The following PIEZO2 variants were observed in gnomAD, a reference collection of about 807,000 sequenced individuals.
PIEZO2 encodes the protein piezo-type mechanosensitive ion channel component 2.
In PIEZO2, 172 loss-of-function variants were observed where a neutral mutation model predicts 337.3. The observed-to-expected ratio is 0.51, with a 90% CI of 0.45 to 0.58. The LOEUF is 0.58. Ranked by LOEUF, PIEZO2 falls within the 20% of genes least tolerant of loss-of-function variation. The probability of loss-of-function intolerance (pLI) is 0.00; values close to 1 mark genes in which losing one functional copy is unlikely to be tolerated. For synonymous variants in PIEZO2, 1,251 were observed against 1,228.5 expected, an observed-to-expected ratio of 1.02 and a Z score of -0.38; for missense variants, 3,028 against 3,391.3, an observed-to-expected ratio of 0.89 and a Z score of 2.66.
intron 1 of PIEZO2, among the ~76,000 whole-genome samples, chr18:11,082,553 G>A (rs1190481942): frequency 3.9e-5 from 6 of 152,126 alleles, no homozygotes; most frequent in South Asian, 2.1e-4. Flanking sequence ...TCCTGACCTC[G>A]TGATCTGCCT....
chr18:11,025,085 C>A (rs1398743670), intron 2 of PIEZO2, among the ~76,000 whole-genome samples: 1 of 151,972 alleles, frequency 6.6e-6, no homozygotes. Context: ...GTGGAGTGCA[C>A]TGATTAGGAA....
At chr18:11,005,491 G>A (rs2035685812) in intron 2 of PIEZO2, among the ~76,000 whole-genome samples, 2 of 152,204 alleles carry the variant, frequency 1.3e-5, no homozygotes, top group South Asian at 4.1e-4. Context: ...TTGAGGTTCA[G>A]AGCCTTGATC....
chr18:11,126,538 A>G lies in PIEZO2; in HGVS notation c.64+21987T>C, dbSNP rs2040188667. ...CCAAGGCCCACGTGATCTGATGAAT[A>G]CCATCAGCAATTTTTTTACTCTGAG... is the stretch of plus-strand genomic sequence containing the variant. On this transcript the variant is annotated intron_variant, in intron 1 of 55. Coordinates refer to ENST00000674853, the MANE Select transcript of PIEZO2 (RefSeq NM_001378183.1). This position sits in a 1 kb window ranked among gnomAD's most constrained non-coding sequence, Gnocchi z 4.6. Among the ~76,000 whole-genome samples, 2 of 152,024 alleles carry G rather than the reference A, an allele frequency of 1.3e-5. No homozygotes were observed. Among genetic ancestry groups the G allele is most frequent in the African/African-American group, 4.8e-5 (2 of 41,368 alleles).
At chr18:10,711,125 G>T (rs1228645597) in intron 39 of PIEZO2, among the ~76,000 whole-genome samples, 1 of 152,172 alleles carries the variant, frequency 6.6e-6, no homozygotes, top group Non-Finnish European at 1.5e-5. Context: ...TTTATCATGA[G>T]TGTGGTTTCC....
chr18:10,913,907 T>C (rs1307150200), intron 3 of PIEZO2, among the ~76,000 whole-genome samples: 5 of 152,140 alleles, frequency 3.3e-5, no homozygotes, highest in Admixed American at 6.5e-5. Context: ...CTTAACATGC[T>C]AGGTATGAGA....
At chr18:10,696,025 C>T (rs1229007827) in intron 47 of PIEZO2, 49 bp downstream of exon 47, 3 of 1,538,830 alleles carry the variant, frequency 1.9e-6, no homozygotes, top group South Asian at 1.1e-5. Flanking sequence ...CCTCAGGAAA[C>T]ACAGTTGCAT....
At chr18:11,065,303 C>A (rs898495496) in intron 2 of PIEZO2, among the ~76,000 whole-genome samples, 21 of 152,248 alleles carry the variant, frequency 1.4e-4, no homozygotes, top group African/African-American at 5.1e-4. Flanking sequence ...CAAACAACTT[C>A]CTTTTCCTTT....
chr18:10,798,378 T>G lies in PIEZO2; in HGVS notation c.1379-856A>C, dbSNP rs190864166. On this transcript the variant is annotated intron_variant, in intron 11 of 55. Coordinates refer to ENST00000674853, the MANE Select transcript of PIEZO2 (RefSeq NM_001378183.1). The stretch of plus-strand genomic sequence containing the variant: ...TAAATGACTGAAAAATCAGTGACTG[T>G]GCATACTACTCCACATGGGCTCTGC... Among the ~76,000 whole-genome samples the G allele has an allele frequency of 1.3e-3, 200 of 152,356 alleles. 1 individual carries two copies. The highest frequency in any genetic ancestry group is 3.4e-3 in the Middle Eastern group (1 of 294).
rs984375219 is a variant in PIEZO2, at chr18:11,122,098, C to T, written c.64+26427G>A. 2.6e-5 allele frequency among the ~76,000 whole-genome samples: 4 copies of T among 151,928 alleles called. No homozygotes were observed. In the East Asian group the frequency reaches 5.8e-4, roughly 22 times the overall value. ...CCTCCCCGGCAGCTGGGACTACAGGCGCCTGCCACCATGCCCAGCTAATTT... is the reference window on the plus strand; with the variant it reads ...CCTCCCCGGCAGCTGGGACTACAGGTGCCTGCCACCATGCCCAGCTAATTT... On this transcript the variant is annotated intron_variant, in intron 1 of 55. Transcript: ENST00000674853.
chr18:10,937,198 G>T (rs1030183924), intron 3 of PIEZO2, among the ~76,000 whole-genome samples: 1 of 152,118 alleles, frequency 6.6e-6, no homozygotes, highest in African/African-American at 2.4e-5. Context: ...TTAATGCTAG[G>T]AACTACTATG....
chr18:10,827,170 G>A (rs762436264), intron 7 of PIEZO2, among the ~76,000 whole-genome samples: 138 of 152,188 alleles, frequency 9.1e-4, no homozygotes, highest in Middle Eastern at 6.8e-3. Flanking sequence ...TTACAGATAC[G>A]AACAAGTTAA....
In PIEZO2 at chr18:10,932,088, A is replaced by T. The variant is rs1375525813; in HGVS notation, c.287-20860T>A. Among the ~76,000 whole-genome samples, 4 of 152,360 alleles carry T rather than the reference A, an allele frequency of 2.6e-5. No individual in the cohort carries two copies. In the East Asian group the frequency reaches 7.7e-4, roughly 29 times the overall value. ...GAAAATTGTATTAGGTTCTAAGTTG[A>T]ACCTAAGTTGGTGGTATTTGAGTAT... On this transcript the variant is annotated intron_variant, in intron 3 of 55. Transcript: ENST00000674853.
intron 1 of PIEZO2, among the ~76,000 whole-genome samples, chr18:11,142,674 C>T (rs1201812724): frequency 1.3e-5 from 2 of 149,964 alleles, no homozygotes; most frequent in Admixed American, 6.7e-5. Context: ...CCAGCTACTC[C>T]GGAGGCTGAG....
At chr18:10,770,011 G>GT in intron 21 of PIEZO2, 137 bp downstream of exon 21, 1 of 910,904 alleles carries the variant, frequency 1.1e-6, no homozygotes, top group Non-Finnish European at 1.6e-6. Context: ...TTCTGTAAGT[G>GT]TAAGTACTTA....
At chr18:10,976,834 G>T (rs2034457413) in intron 3 of PIEZO2, among the ~76,000 whole-genome samples, 1 of 152,156 alleles carries the variant, frequency 6.6e-6, no homozygotes, top group Non-Finnish European at 1.5e-5. Flanking sequence ...GGCCTGGAAA[G>T]AGGCAGGTCA....
In PIEZO2 at chr18:10,713,444, T is replaced by G. The variant is rs1000898340; in HGVS notation, c.5423+1320A>C. ...TTGATATCAATAAAATGGTCTCAGC[T>G]CCGTCTCCTATTTCATCTGGAAATA... On this transcript the variant is annotated intron_variant, in intron 39 of 55. Transcript: ENST00000674853. The surrounding 1 kb of genome is among the most constrained non-coding windows in gnomAD (Gnocchi z 4.5). Among the ~76,000 whole-genome samples the G allele has an allele frequency of 2.0e-5, 3 of 152,146 alleles. No homozygotes were observed. Among genetic ancestry groups the G allele is most frequent in the Non-Finnish European group, 4.4e-5 (3 of 68,024 alleles).
At position 11,105,921 on chromosome 18, in the gene PIEZO2, C is replaced by A. The variant is rs1036862790; in HGVS notation, c.65-39699G>T. Among the ~76,000 whole-genome samples, 3 of 152,118 alleles carry A rather than the reference C, an allele frequency of 2.0e-5. No homozygotes were observed. Among genetic ancestry groups the A allele is most frequent in the Non-Finnish European group, 4.4e-5 (3 of 68,022 alleles). Reference sequence around the variant, plus strand: ...GTAGGGTTATCTGACTGATTTAGGTCATTCCAAGGGTTTCTCTGTTTATTT... The same window carrying A: ...GTAGGGTTATCTGACTGATTTAGGTAATTCCAAGGGTTTCTCTGTTTATTT... On this transcript the variant is annotated intron_variant, in intron 1 of 55. Coordinates refer to ENST00000674853, the MANE Select transcript of PIEZO2 (RefSeq NM_001378183.1). This position sits in a 1 kb window ranked among gnomAD's most constrained non-coding sequence, Gnocchi z 4.3.
At chr18:11,117,202 C>A (rs2039917332) in intron 1 of PIEZO2, among the ~76,000 whole-genome samples, 1 of 152,118 alleles carries the variant, frequency 6.6e-6, no homozygotes, top group South Asian at 2.1e-4. Flanking sequence ...AGATGGATAT[C>A]CTAAACACGT....
chr18:10,790,747 C>T (rs1031948500), intron 14 of PIEZO2, among the ~76,000 whole-genome samples: 12 of 150,154 alleles, frequency 8.0e-5, no homozygotes, highest in African/African-American at 2.9e-4. Flanking sequence ...GCTCTGTCGC[C>T]CAGGCTGGAG....
Sources: gnomAD v4.1 joint callset for allele counts (sites outside exome capture counted in the v4.1 genomes callset) on GRCh38, gnomAD v4.1.1 for gene constraint, Gnocchi (gnomAD v3.1) non-coding constraint, MANE v1.5 for transcripts, NCBI Gene and HGNC (gene_info 2026-07-23, HGNC 2026-07-21) for gene names.